Variants in ARHGEF26 observed in about 807,000 individuals in gnomAD.
ARHGEF26 encodes the protein Rho guanine nucleotide exchange factor (GEF) 26.
In ARHGEF26, 59 loss-of-function variants were observed where a neutral mutation model predicts 89.4. The ratio of observed to expected loss-of-function variants is 0.66; its 90% CI spans 0.54 to 0.82. The LOEUF (loss-of-function observed/expected upper bound fraction) is 0.82, where lower values mean the gene tolerates loss of function less well. Among genes scored for constraint, ARHGEF26 ranks in the 40% least tolerant of loss-of-function variants. The probability of loss-of-function intolerance (pLI) is 0.00; values close to 1 mark genes in which losing one functional copy is unlikely to be tolerated. For synonymous variants in ARHGEF26, 500 were observed against 428.4 expected, an observed-to-expected ratio of 1.17 and a Z score of -2.06; for missense variants, 1,234 against 1,085.6, an observed-to-expected ratio of 1.14 and a Z score of -1.92.
chr3:154,179,193 T>C (rs1417453943), intron 6 of ARHGEF26, among the ~76,000 whole-genome samples: 1 of 152,172 alleles, frequency 6.6e-6, no homozygotes, highest in African/African-American at 2.4e-5. Context: ...AAAAAAAATA[T>C]GCATGTATAA....
intron 6 of ARHGEF26, among the ~76,000 whole-genome samples, chr3:154,179,166 C>T (rs1016305530): frequency 2.0e-5 from 3 of 152,110 alleles, no homozygotes; most frequent in Non-Finnish European, 2.9e-5. Flanking sequence ...AATAGCCATA[C>T]GTTTCTTGCT....
intron 4 of ARHGEF26, among the ~76,000 whole-genome samples, chr3:154,134,547 C>G (rs1490854228): frequency 1.3e-5 from 2 of 151,998 alleles, no homozygotes; most frequent in African/African-American, 4.8e-5. Context: ...ACCTGGTCCC[C>G]CCAACAACAT....
In ARHGEF26 at chr3:154,145,214, C is replaced by G. The variant is rs1719626085; in HGVS notation, c.1270-4175C>G. Among the ~76,000 whole-genome samples the G allele has an allele frequency of 3.9e-5, 6 of 152,310 alleles. No individual in the cohort carries two copies. In the South Asian group the frequency reaches 1.2e-3, roughly 32 times the overall value. On this transcript the variant is annotated intron_variant, in intron 4 of 14. Transcript: ENST00000465093. ...ATTTTAAGGATTTCAAGCATACTCTCAAACTGCTGCTGTTCCCATGTTATT... is the reference window on the plus strand; with the variant it reads ...ATTTTAAGGATTTCAAGCATACTCTGAAACTGCTGCTGTTCCCATGTTATT...
At chr3:154,220,284 T>A (rs1716045531) in intron 10 of ARHGEF26, among the ~76,000 whole-genome samples, 1 of 152,086 alleles carries the variant, frequency 6.6e-6, no homozygotes. Context: ...AACGTGATCA[T>A]CCCTCCCCTC....
intron 6 of ARHGEF26, among the ~76,000 whole-genome samples, chr3:154,178,734 A>G (rs1161688343): frequency 2.6e-5 from 4 of 152,138 alleles, no homozygotes; most frequent in African/African-American, 7.2e-5. Context: ...TCCCTCGGGT[A>G]TATACTTAGG....
At chr3:154,139,066 G>T (rs1007528582) in intron 4 of ARHGEF26, among the ~76,000 whole-genome samples, 2 of 152,202 alleles carry the variant, frequency 1.3e-5, no homozygotes, top group Non-Finnish European at 1.5e-5. Flanking sequence ...CTGTCATCTG[G>T]AGGGTCCAGG....
At chr3:154,189,440 C>G (rs190752168) in intron 7 of ARHGEF26, among the ~76,000 whole-genome samples, 1 of 149,420 alleles carries the variant, frequency 6.7e-6, no homozygotes, top group African/African-American at 2.5e-5. Context: ...CAGGTTCAAG[C>G]GATTCTCCTG....
intron 4 of ARHGEF26, among the ~76,000 whole-genome samples, chr3:154,135,475 T>A (rs1322347575): frequency 6.6e-6 from 1 of 152,152 alleles, no homozygotes; most frequent in Non-Finnish European, 1.5e-5. Flanking sequence ...TTTGGGTTGG[T>A]CAAATGTGGA....
Position 154,256,748 on chromosome 3 carries a change from C to A in ARHGEF26, c.*1275C>A. The stretch of plus-strand genomic sequence containing the variant: ...AGATACCAAGAAGTCAGCATGGTAC[C>A]CAATTGAAACCTTTTGACCTTAGTG... On this transcript the variant is annotated 3_prime_UTR_variant, in exon 15 of 15. Coordinates refer to ENST00000465093, the MANE Select transcript of ARHGEF26 (RefSeq NM_015595.4). 1 of 1,412,382 alleles carries A rather than the reference C, an allele frequency of 7.1e-7. No homozygotes were observed. Among genetic ancestry groups the A allele is most frequent in the East Asian group, 2.7e-5 (1 of 37,734 alleles). 87.5% of individuals were successfully genotyped at this position (1,412,382 alleles called of 1,614,324 possible).
At chr3:154,202,906 G>C (rs1427326216) in intron 9 of ARHGEF26, among the ~76,000 whole-genome samples, 1 of 152,070 alleles carries the variant, frequency 6.6e-6, no homozygotes, top group Non-Finnish European at 1.5e-5. Flanking sequence ...GGGTTGAGAC[G>C]ATGGAGTTTT....
intron 3 of ARHGEF26, 113 bp downstream of exon 3, chr3:154,124,562 T>A (rs1235419194): frequency 1.8e-5 from 17 of 951,042 alleles, no homozygotes; most frequent in Non-Finnish European, 2.3e-5. Flanking sequence ...ATGTCCAACT[T>A]CTTCTCAAAT....
chr3:154,132,038 G>A (rs1020704100), intron 4 of ARHGEF26, among the ~76,000 whole-genome samples: 3 of 152,048 alleles, frequency 2.0e-5, no homozygotes, highest in Admixed American at 6.5e-5. Flanking sequence ...GAGTGTTCCC[G>A]GGAGGCTTGT....
chr3:154,209,820 G>A (rs937122888), intron 9 of ARHGEF26, among the ~76,000 whole-genome samples: 1 of 152,204 alleles, frequency 6.6e-6, no homozygotes, highest in African/African-American at 2.4e-5. Flanking sequence ...AGCCAGGCCT[G>A]TGTCCTTCCC....
intron 11 of ARHGEF26, among the ~76,000 whole-genome samples, chr3:154,234,036 A>G (rs1308409380): frequency 6.6e-6 from 1 of 152,256 alleles, no homozygotes; most frequent in African/African-American, 2.4e-5. Context: ...AAATCTCAAT[A>G]GCATCTTTTC....
intron 2 of ARHGEF26, 36 bp from the exon 3 acceptor site, chr3:154,124,374 T>TTTTTTTG: frequency 1.5e-6 from 1 of 648,548 alleles, no homozygotes; most frequent in Non-Finnish European, 2.2e-6. Flanking sequence ...TGCTTTTCCT[T>TTTTTTTG]TTTTTTTTTT....
At chr3:154,130,348 C>A (rs1718611885) in intron 4 of ARHGEF26, among the ~76,000 whole-genome samples, 1 of 151,934 alleles carries the variant, frequency 6.6e-6, no homozygotes, top group Admixed American at 6.6e-5. Flanking sequence ...ACCGTATTGG[C>A]CAGGCTGGTC....
intron 11 of ARHGEF26, among the ~76,000 whole-genome samples, chr3:154,234,475 T>C (rs973291418): frequency 6.6e-6 from 1 of 152,186 alleles, no homozygotes; most frequent in Non-Finnish European, 1.5e-5. Flanking sequence ...CACAACTCTT[T>C]ATGTACCCAG....
At chr3:154,144,441 T>TTG (rs767578791) in intron 4 of ARHGEF26, among the ~76,000 whole-genome samples, 6 of 152,202 alleles carry the variant, frequency 3.9e-5, no homozygotes, top group Non-Finnish European at 8.8e-5. Flanking sequence ...GAGAAATAAA[T>TTG]TGAGAACCAA....
intron 6 of ARHGEF26, among the ~76,000 whole-genome samples, chr3:154,176,115 A>G (rs931772484): frequency 1.3e-5 from 2 of 152,174 alleles, no homozygotes; most frequent in Non-Finnish European, 2.9e-5. Flanking sequence ...TTCTGCAGGT[A>G]TATCTTTCTC....
Sources: allele counts gnomAD v4.1 joint callset (sites outside exome capture counted in the v4.1 genomes callset), GRCh38; gene constraint gnomAD v4.1.1; transcripts MANE v1.5; gene names NCBI Gene and HGNC (gene_info 2026-07-23, HGNC 2026-07-21).